PTPRD: variants seen among roughly 807,000 people sequenced by gnomAD.
PTPRD encodes receptor-type tyrosine-protein phosphatase delta.
PTPRD carries 34 observed loss-of-function variants against 214.5 expected under a neutral mutation model. The observed-to-expected ratio is 0.16, with a 90% CI of 0.12 to 0.21. PTPRD has a LOEUF of 0.21. Ranked by LOEUF, PTPRD falls within the 10% of genes least tolerant of loss-of-function variation. The pLI, the probability that PTPRD is intolerant of heterozygous loss-of-function variation, is 1.00. For synonymous variants in PTPRD, 1,128 were observed against 845.7 expected (o/e 1.33, Z -5.79); for missense variants, 2,545 against 2,398.7 (o/e 1.06, Z -1.27).
chr9:9,771,550 G>T (rs559489590), intron 5 of PTPRD, among the ~76,000 whole-genome samples: 1 of 152,266 alleles, frequency 6.6e-6, no homozygotes, highest in Admixed American at 6.5e-5. Flanking sequence ...AGATCATAAG[G>T]ATAGGCAGCA....
At chr9:10,601,887 A>C (rs1204307067) in intron 2 of PTPRD, among the ~76,000 whole-genome samples, 1 of 151,776 alleles carries the variant, frequency 6.6e-6, no homozygotes, top group Admixed American at 6.6e-5. Flanking sequence ...CTGAAAATTC[A>C]TTGAATTTTC....
intron 5 of PTPRD, among the ~76,000 whole-genome samples, chr9:9,827,831 C>T (rs140297152): frequency 3.3e-5 from 5 of 151,822 alleles, no homozygotes; most frequent in Non-Finnish European, 5.9e-5. Flanking sequence ...ACCCCATCAA[C>T]AAGTGGGTGA....
intron 12 of PTPRD, among the ~76,000 whole-genome samples, chr9:8,725,683 G>T (rs1020068044): frequency 6.6e-6 from 1 of 152,090 alleles, no homozygotes; most frequent in African/African-American, 2.4e-5. Context: ...TTTACAAACA[G>T]TTATTTCCTT....
At chr9:8,517,016 G>A (rs1309936152) in intron 21 of PTPRD, among the ~76,000 whole-genome samples, 1 of 151,804 alleles carries the variant, frequency 6.6e-6, no homozygotes, top group East Asian at 1.9e-4. Context: ...TTTGCCATTG[G>A]CCAGGCTGGT....
intron 9 of PTPRD, among the ~76,000 whole-genome samples, chr9:9,292,106 C>G (rs1247041886): frequency 1.3e-5 from 2 of 151,218 alleles, no homozygotes; most frequent in African/African-American, 4.8e-5. Context: ...AGACGAGGGC[C>G]TACTGAAAAA....
chr9:9,071,643 C>A (rs1163110007), intron 10 of PTPRD, among the ~76,000 whole-genome samples: 3 of 152,068 alleles, frequency 2.0e-5, no homozygotes, highest in African/African-American at 4.8e-5. Context: ...TTAATTCTGA[C>A]AACAACTTGA....
chr9:10,294,037 A>T (rs2095605168), intron 3 of PTPRD, among the ~76,000 whole-genome samples: 3 of 151,980 alleles, frequency 2.0e-5, no homozygotes, highest in Admixed American at 2.0e-4. Flanking sequence ...ATTGAGCATG[A>T]CAAGTGTCCA....
chr9:9,492,129 T>C (rs1384305417), intron 8 of PTPRD, among the ~76,000 whole-genome samples: 4 of 151,748 alleles, frequency 2.6e-5, no homozygotes, highest in Non-Finnish European at 1.5e-5. Context: ...ATGCCAACAA[T>C]TTGGATAACC....
chr9:9,004,855 C>T (rs1262704975), intron 11 of PTPRD, among the ~76,000 whole-genome samples: 1 of 151,988 alleles, frequency 6.6e-6, no homozygotes, highest in Admixed American at 6.6e-5. Context: ...ATAGGAAAAA[C>T]AAACAAAACA....
At chr9:9,315,832 ACTT>A (rs1962591571) in intron 9 of PTPRD, among the ~76,000 whole-genome samples, 1 of 131,948 alleles carries the variant, frequency 7.6e-6, no homozygotes, top group Non-Finnish European at 1.6e-5. Context: ...GTAGCAGACA[ACTT>A]TTTTTTTTTT....
chr9:9,960,976 CA>C (rs1207087834), intron 4 of PTPRD, among the ~76,000 whole-genome samples: 2 of 152,014 alleles, frequency 1.3e-5, no homozygotes, highest in African/African-American at 4.8e-5. Context: ...AAAAAACAAA[CA>C]ACCCCATCAA....
intron 3 of PTPRD, among the ~76,000 whole-genome samples, chr9:10,218,589 C>T (rs62538587): frequency 1.7e-4 from 26 of 151,550 alleles, no homozygotes; most frequent in Non-Finnish European, 3.1e-4. Context: ...ACAGTGTATA[C>T]GACCTTGGAT....
intron 9 of PTPRD, among the ~76,000 whole-genome samples, chr9:9,327,399 A>G (rs1595845819): frequency 6.6e-6 from 1 of 152,176 alleles, no homozygotes; most frequent in Non-Finnish European, 1.5e-5. Context: ...CCTTTGTTCC[A>G]GTAATTTTTT....
chr9:8,634,494 T>C (rs975486244), intron 13 of PTPRD, among the ~76,000 whole-genome samples: 1 of 152,106 alleles, frequency 6.6e-6, no homozygotes, highest in Non-Finnish European at 1.5e-5. Context: ...AGGAAGGACA[T>C]TCATATTTTC....
chr9:10,106,329 G>C (rs1224862463), intron 3 of PTPRD, among the ~76,000 whole-genome samples: 1 of 151,868 alleles, frequency 6.6e-6, no homozygotes, highest in African/African-American at 2.4e-5. Flanking sequence ...CATTTGGCCT[G>C]CAGAAAGTCT....
intron 5 of PTPRD, among the ~76,000 whole-genome samples, chr9:9,925,509 C>T (rs964864057): frequency 2.6e-5 from 4 of 151,780 alleles, no homozygotes; most frequent in African/African-American, 9.7e-5. Flanking sequence ...AGAATATGTG[C>T]TTCACTTCAC....
At chr9:9,976,468 C>A (rs2382098) in intron 4 of PTPRD, among the ~76,000 whole-genome samples, 115,668 of 151,342 alleles carry the variant, frequency 0.76, 44,760 homozygotes, top group Middle Eastern at 0.89. Flanking sequence ...CTCACTGCAA[C>A]CTTTGCCTCC....
In PTPRD at chr9:10,192,924, T is replaced by C. The variant is rs375924679; in HGVS notation, c.-545+148039A>G. ...CCTAAGCAGGGAGACATCTACCTTA[T>C]TTCCCAAGAGCTCTATGAATTGAGT... On this transcript the variant is annotated intron_variant, in intron 3 of 45. Coordinates refer to ENST00000381196, the MANE Select transcript of PTPRD (RefSeq NM_002839.4). Among the ~76,000 whole-genome samples the C allele has an allele frequency of 3.9e-5, 6 of 152,306 alleles. No homozygotes were observed. In the East Asian group the frequency reaches 9.6e-4, roughly 24 times the overall value.
At position 9,431,753 on chromosome 9, in the gene PTPRD, G is replaced by C. The variant is rs541814674; in HGVS notation, c.-236-34271C>G. On this transcript the variant is annotated intron_variant, in intron 8 of 45. Coordinates refer to ENST00000381196, the MANE Select transcript of PTPRD (RefSeq NM_002839.4). Reference sequence around the variant, plus strand: ...AAAGGATGAGTTCATGTCCTTTGTAGGGAGATGGATGAAGCTGGAAACCAT... The same window carrying C: ...AAAGGATGAGTTCATGTCCTTTGTACGGAGATGGATGAAGCTGGAAACCAT... 6.2e-3 allele frequency among the ~76,000 whole-genome samples: 942 copies of C among 152,054 alleles called. 2 individuals carry two copies. The highest frequency in any genetic ancestry group is 0.01 in the Non-Finnish European group (704 of 67,992).
Sources: gnomAD v4.1 joint callset for allele counts (sites outside exome capture counted in the v4.1 genomes callset) on GRCh38, gnomAD v4.1.1 for gene constraint, MANE v1.5 for transcripts, NCBI Gene and HGNC (gene_info 2026-07-23, HGNC 2026-07-21) for gene names.